CD6: variants seen among roughly 807,000 people sequenced by gnomAD.
CD6 encodes T-cell differentiation antigen CD6.
Under a neutral mutation model 75.3 loss-of-function variants are expected in CD6, and 53 were observed. The ratio of observed to expected loss-of-function variants is 0.70; its 90% CI spans 0.56 to 0.88. CD6 has a LOEUF of 0.88. Among genes scored for constraint, CD6 ranks in the 40% least tolerant of loss-of-function variants. The pLI is 0.00. For synonymous variants in CD6, 359 were observed against 381.5 expected (o/e 0.94, Z 0.69); for missense variants, 770 against 897.1 (o/e 0.86, Z 1.81).
Position 61,007,604 on chromosome 11 carries a change from A to C in CD6, c.163A>C (p.Ser55Arg). The C allele has an allele frequency of 6.6e-7, 1 of 1,504,080 alleles. No individual in the cohort carries two copies. The highest frequency in any genetic ancestry group is 8.9e-7 in the Non-Finnish European group (1 of 1,126,594). The allele number at this position is 1,504,080 out of a possible 1,614,324, so 93.2% of individuals were successfully genotyped here. A position where few individuals can be genotyped will look rare whatever the true frequency, so the allele number is the denominator to read the frequency against. ...TCTGACAAACGGGAGCAGCAGCTGC[A>C]GCGGGACGGTGGAGGTGCGGCTCGA... The part of the protein sequence containing the change: ...VRLTNGSSSC[S>R]GTVEVRLEAS... Residue 55 changes from serine to arginine, a missense_variant, in exon 3 of 13, where the codon AGC (serine) becomes CGC (arginine). Physicochemically the swap from Ser to Arg is moderately radical, Grantham distance 110. Transcript: ENST00000313421. This position sits in a 1 kb window ranked among gnomAD's most constrained non-coding sequence, Gnocchi z 4.2.
intron 1 of CD6, among the ~76,000 whole-genome samples, chr11:60,983,305 T>C (rs995147005): frequency 4.6e-5 from 7 of 152,122 alleles, no homozygotes; most frequent in African/African-American, 1.7e-4. Flanking sequence ...TTGGTCAGGC[T>C]GGTCTTTAAC....
intron 1 of CD6, among the ~76,000 whole-genome samples, chr11:61,001,119 A>G (rs1302845506): frequency 2.0e-5 from 3 of 152,142 alleles, no homozygotes; most frequent in Non-Finnish European, 4.4e-5. Flanking sequence ...TCATGTGGCA[A>G]TAAAAGTTTA....
At chr11:61,015,691 C>T in intron 8 of CD6, 22 bp from the exon 9 acceptor site, 1 of 1,613,900 alleles carries the variant, frequency 6.2e-7, no homozygotes, top group Non-Finnish European at 8.5e-7. Flanking sequence ...TTGCCATGCC[C>T]TCGACTCTGT....
At chr11:60,984,510 T>G (rs1374253262) in intron 1 of CD6, among the ~76,000 whole-genome samples, 2 of 152,196 alleles carry the variant, frequency 1.3e-5, no homozygotes, top group Admixed American at 1.3e-4. Flanking sequence ...GTTTTGCCAT[T>G]CATTTGTTGA....
At chr11:60,997,751 T>C (rs906198700) in intron 1 of CD6, among the ~76,000 whole-genome samples, 5 of 152,224 alleles carry the variant, frequency 3.3e-5, no homozygotes, top group Non-Finnish European at 7.3e-5. Flanking sequence ...TTTCCAATGA[T>C]TGAATTGATT....
At chr11:60,987,848 CA>C (rs938066766) in intron 1 of CD6, 19 of 152,136 alleles carry the variant, frequency 1.2e-4, no homozygotes, top group Admixed American at 1.2e-3. Flanking sequence ...GTTCCAAGCC[CA>C]AGGATAGCAT....
intron 1 of CD6, among the ~76,000 whole-genome samples, chr11:60,985,373 CG>C (rs1336274983): frequency 3.3e-5 from 5 of 151,578 alleles, no homozygotes; most frequent in Non-Finnish European, 7.4e-5. Flanking sequence ...TTAGTAGAGA[CG>C]GGGTTTCGCC....
intron 1 of CD6, among the ~76,000 whole-genome samples, chr11:60,997,882 C>A (rs1403068975): frequency 2.0e-5 from 3 of 152,192 alleles, no homozygotes; most frequent in African/African-American, 7.2e-5. Flanking sequence ...AGTAGCCACA[C>A]GTGGCTGGTG....
At chr11:61,001,024 A>G (rs1344014566) in intron 1 of CD6, among the ~76,000 whole-genome samples, 3 of 152,072 alleles carry the variant, frequency 2.0e-5, no homozygotes, top group East Asian at 3.8e-4. Context: ...ACTTTCCAGA[A>G]TTTGGGACAC....
intron 1 of CD6, among the ~76,000 whole-genome samples, chr11:60,997,192 G>A (rs10897131): frequency 0.64 from 97,366 of 151,828 alleles, 31,810 homozygotes; most frequent in Middle Eastern, 0.86. Context: ...CCTGGCCAAC[G>A]TGGTGAAACC....
chr11:61,001,215 TTTTGAGACGGAGTCTTGCTC>T, intron 1 of CD6, among the ~76,000 whole-genome samples: 1 of 149,844 alleles, frequency 6.7e-6, no homozygotes, highest in Non-Finnish European at 1.5e-5. Context: ...TTTTTTTTTT[TTTTGAGACGGAGTCTTGCTC>T]TGTCGCCCAG....
intron 1 of CD6, among the ~76,000 whole-genome samples, chr11:60,997,071 C>T (rs1293187847): frequency 6.6e-6 from 1 of 152,100 alleles, no homozygotes; most frequent in African/African-American, 2.4e-5. Flanking sequence ...ATATGTGAGT[C>T]ACATTTATAA....
At chr11:60,985,643 A>C (rs6591633) in intron 1 of CD6, among the ~76,000 whole-genome samples, 3,557 of 152,296 alleles carry the variant, frequency 0.023, 135 homozygotes, top group African/African-American at 0.08. Flanking sequence ...TCCAAGCATG[A>C]GCTGTCTCTC....
chr11:60,993,965 G>GTTGATCTTATCTT (rs1195749554), intron 1 of CD6, among the ~76,000 whole-genome samples: 56 of 152,318 alleles, frequency 3.7e-4, no homozygotes, highest in African/African-American at 1.3e-3. Flanking sequence ...CTCAAAGCCT[G>GTTGATCTTATCTT]TTAAGTCATG....
chr11:60,986,185 A>G (rs1857808500), intron 1 of CD6, among the ~76,000 whole-genome samples: 2 of 152,250 alleles, frequency 1.3e-5, no homozygotes, highest in African/African-American at 4.8e-5. Flanking sequence ...TAAAAACGTT[A>G]TAACAACCAC....
intron 1 of CD6, among the ~76,000 whole-genome samples, chr11:60,979,157 G>A (rs1380452842): frequency 6.6e-6 from 1 of 152,210 alleles, no homozygotes; most frequent in Non-Finnish European, 1.5e-5. Flanking sequence ...CTTGTTTCCA[G>A]CCAGCTGTCC....
At chr11:61,010,932 T>C (rs1256753548) in intron 5 of CD6, 138 bp from the exon 6 acceptor site, 1 of 711,828 alleles carries the variant, frequency 1.4e-6, no homozygotes, top group Non-Finnish European at 2.5e-6. Flanking sequence ...GTAAGTTTCC[T>C]TAGCCACGTG....
In CD6 at chr11:61,013,931, T is replaced by G; in HGVS notation, c.1304T>G (p.Met435Arg). Reference protein sequence around the residue: ...RIKGKYALPVMVNHQHLPTTI... With the variant: ...RIKGKYALPVRVNHQHLPTTI... ...TCCCCTCCCTCAGCCCTCCCCGTAA[T>G]GGTGAACCACCAGCACCTACCCACC... is the stretch of plus-strand genomic sequence containing the variant. The change falls in exon 8 of 13, where the codon ATG becomes AGG. Residue 435 changes from methionine to arginine, a missense_variant. Physicochemically the swap from Met to Arg is moderately conservative, Grantham distance 91 (BLOSUM62 -1). Coordinates refer to ENST00000313421, the MANE Select transcript of CD6 (RefSeq NM_006725.5). 2 of 1,612,010 alleles carry G rather than the reference T, an allele frequency of 1.2e-6. No individual in the cohort carries two copies. The highest frequency in any genetic ancestry group is 2.2e-5 in the South Asian group (2 of 90,754).
chr11:61,007,684 C>T lies in CD6; in HGVS notation c.243C>T (p.Ala81=). 7.0e-7 allele frequency: 1 copy of T among 1,418,482 alleles called. No individual in the cohort carries two copies. Among genetic ancestry groups the T allele is most frequent in the Non-Finnish European group, 9.2e-7 (1 of 1,086,368 alleles). The allele number at this position is 1,418,482 out of a possible 1,614,324, so 87.9% of individuals were successfully genotyped here. A position where few individuals can be genotyped will look rare whatever the true frequency, so the allele number is the denominator to read the frequency against. The change falls in exon 3 of 13, where the codon GCC becomes GCT. Residue 81 remains alanine (A), a synonymous_variant. Coordinates refer to ENST00000313421, the MANE Select transcript of CD6 (RefSeq NM_006725.5). The surrounding 1 kb of genome is among the most constrained non-coding windows in gnomAD (Gnocchi z 4.2). ...GALWDSRAAE[A]VCRALGCGGA... ...TCTGGGACAGCCGCGCCGCCGAGGC[C>T]GTGTGCCGAGCACTGGGCTGCGGCG...
Sources: gnomAD v4.1 joint callset for allele counts (sites outside exome capture counted in the v4.1 genomes callset) on GRCh38, gnomAD v4.1.1 for gene constraint, Gnocchi (gnomAD v3.1) non-coding constraint, MANE v1.5 for transcripts, NCBI Gene and HGNC (gene_info 2026-07-23, HGNC 2026-07-21) for gene names.